Variants in HCN4 observed in about 807,000 individuals in gnomAD.
HCN4 encodes the protein hyperpolarization activated cyclic nucleotide gated potassium channel 4.
Under a neutral mutation model 76.9 loss-of-function variants are expected in HCN4, and 29 were observed. The observed-to-expected ratio is 0.38, with a 90% confidence interval of 0.28 to 0.51. HCN4 has a LOEUF of 0.51. Among genes scored for constraint, HCN4 ranks in the 20% least tolerant of loss-of-function variants. The pLI, the probability that HCN4 is intolerant of heterozygous loss-of-function variation, is 0.90. For synonymous variants in HCN4, 772 were observed against 762.5 expected (o/e 1.01, Z -0.21); for missense variants, 1,416 against 1,715.2 (o/e 0.83, Z 3.08).
rs750833108 is a variant in HCN4, at chr15:73,323,799, G to C, written c.2294C>G (p.Ala765Gly). Residue 765 changes from alanine (A) to glycine (G), a missense_variant, in exon 8 of 8, where the codon GCC (alanine) becomes GGC (glycine). By Grantham distance (60) the Ala-to-Gly change is moderately conservative (BLOSUM62 0). Transcript: ENST00000261917. ...GATGACGGGCGTGGGGGTTGGGGTG[G>C]CAGAGGCAGCAGCCTGGACGCGGTG... is the stretch of plus-strand genomic sequence containing the variant. The part of the protein sequence containing the change: ...CAHRVQAAAS[A>G]TPTPTPVIWT... The C allele has an allele frequency of 8.7e-6, 14 of 1,607,146 alleles. No homozygotes were observed. The East Asian group carries it at 2.9e-4, about 33-fold the overall frequency.
intron 3 of HCN4, among the ~76,000 whole-genome samples, chr15:73,331,546 G>C (rs764484193): frequency 3.3e-4 from 50 of 152,284 alleles, no homozygotes; most frequent in Middle Eastern, 3.4e-3. Context: ...GCGAGCTCAA[G>C]GGATCCCCCT....
In HCN4 at chr15:73,322,503, G is replaced by A. The variant is rs777242276; in HGVS notation, c.3590C>T (p.Ser1197Phe). 2.5e-6 allele frequency: 4 copies of A among 1,598,704 alleles called. No homozygotes were observed. In the South Asian group the frequency reaches 4.5e-5, roughly 18 times the overall value. The change falls in exon 8 of 8, where the codon TCC becomes TTC. Residue 1197 changes from serine to phenylalanine, a missense_variant. By Grantham distance (155) the Ser-to-Phe change is radical. This residue lies in a region of HCN4 where 633 missense variants were observed against 579.8 expected (regional missense o/e 1.09). Coordinates refer to ENST00000261917, the MANE Select transcript of HCN4 (RefSeq NM_005477.3). ...EPGARPEPVRSKLPSNL is the reference protein window; with the variant it reads ...EPGARPEPVRFKLPSNL The stretch of plus-strand genomic sequence containing the variant: ...AGCTCATAGATTGGATGGCAGTTTG[G>A]AGCGCACTGGCTCAGGCCTGGCCCC...
rs534708116 is a variant in HCN4, at chr15:73,357,063, C to T, written c.785+10423G>A. ...CACCTGAGTGCTTCCTGAAACTCTA[C>T]CTGCCCGGCCTCACCCAGGGAGCCC... On this transcript the variant is annotated intron_variant, in intron 1 of 7. Transcript: ENST00000261917. Among the ~76,000 whole-genome samples the T allele has an allele frequency of 5.9e-5, 9 of 152,320 alleles. No homozygotes were observed. In the South Asian group the frequency reaches 8.3e-4, roughly 14 times the overall value.
At position 73,367,659 on chromosome 15, in the gene HCN4, G is replaced by A; in HGVS notation, c.612C>T (p.Ala204=). The A allele has an allele frequency of 6.2e-7, 1 of 1,608,762 alleles. No individual in the cohort carries two copies. The highest frequency in any genetic ancestry group is 8.5e-7 in the Non-Finnish European group (1 of 1,179,868). Residue 204 remains alanine (A), a synonymous_variant, in exon 1 of 8, where the codon GCC becomes GCT. Transcript: ENST00000261917. The surrounding 1 kb of genome is among the most constrained non-coding windows in gnomAD (Gnocchi z 7.5). The part of the protein sequence containing the change: ...AAAGDQILPE[A]EVRLGQAGFM... ...AGCCGGCCTGGCCCAGGCGCACCTC[G>A]GCCTCCGGGAGGATCTGGTCGCCGG...
Position 73,323,186 on chromosome 15 carries a change from T to C in HCN4, c.2907A>G (p.Ser969=), listed in dbSNP as rs773256230. ...GCTGGCCCAGCTGCCCGGGGCTAGATGACGGGGATCTGGATGAGGGTGGGG... is the reference window on the plus strand; with the variant it reads ...GCTGGCCCAGCTGCCCGGGGCTAGACGACGGGGATCTGGATGAGGGTGGGG... ...LPPPPSSRSP[S]SSPGQLGQPP... Residue 969 remains serine (S), a synonymous_variant, in exon 8 of 8, where the codon TCA becomes TCG. Transcript: ENST00000261917. The C allele has an allele frequency of 1.3e-6, 2 of 1,547,408 alleles. No homozygotes were observed. The highest frequency in any genetic ancestry group is 2.7e-5 in the African/African-American group (2 of 73,002).
intron 1 of HCN4, among the ~76,000 whole-genome samples, chr15:73,355,522 C>A (rs114297989): frequency 6.6e-6 from 1 of 152,122 alleles, no homozygotes; most frequent in South Asian, 2.1e-4. Context: ...ACATCCTGAA[C>A]GCCAGCTTGA....
chr15:73,332,293 C>T lies in HCN4; in HGVS notation c.1210-1G>A. ...CCAGGTCGTAGGTCATGTGGAAGAT[C>T]TGCCAGCAGAGGAGGAGAAATTGGC... On this transcript the variant is annotated splice_acceptor_variant, in intron 2 of 7. Transcript: ENST00000261917. LOFTEE classifies it high-confidence loss of function. 6.2e-7 allele frequency: 1 copy of T among 1,614,182 alleles called. No homozygotes were observed. Among genetic ancestry groups the T allele is most frequent in the Non-Finnish European group, 8.5e-7 (1 of 1,179,996 alleles).
Position 73,324,072 on chromosome 15 carries a change from T to C in HCN4, c.2143+17A>G, listed in dbSNP as rs755671406. 5.0e-6 allele frequency: 8 copies of C among 1,611,704 alleles called. No homozygotes were observed. The highest frequency in any genetic ancestry group is 2.2e-5 in the South Asian group (2 of 91,008). On this transcript the variant is annotated intron_variant, in intron 7 of 7. Transcript: ENST00000261917. ...CAACACCCCCCACCTGCCCCGCCTG[T>C]GGCCCCTCCCCCTCACCAATGCGGT...
chr15:73,343,887 C>T lies in HCN4; in HGVS notation c.786-79G>A. On this transcript the variant is annotated intron_variant, in intron 1 of 7. Coordinates refer to ENST00000261917, the MANE Select transcript of HCN4 (RefSeq NM_005477.3). The surrounding 1 kb of genome is among the most constrained non-coding windows in gnomAD (Gnocchi z 5.7). Reference sequence around the variant, plus strand: ...GACTAAGGGAGGAAGATCTGAGGGACAGCATCTGGGACAGAGAAGTCTTGG... The same window carrying T: ...GACTAAGGGAGGAAGATCTGAGGGATAGCATCTGGGACAGAGAAGTCTTGG... 1.4e-6 allele frequency: 2 copies of T among 1,467,220 alleles called. No individual in the cohort carries two copies. Among genetic ancestry groups the T allele is most frequent in the Non-Finnish European group, 1.9e-6 (2 of 1,051,390 alleles). The allele number at this position is 1,467,220 out of a possible 1,614,324, so 90.9% of individuals were successfully genotyped here.
In HCN4 at chr15:73,329,762, G is replaced by A. The variant is rs753580737; in HGVS notation, c.1401C>T (p.Tyr467=). 39 of 1,613,896 alleles carry A rather than the reference G, an allele frequency of 2.4e-5. No homozygotes were observed. The highest frequency in any genetic ancestry group is 2.7e-5 in the Non-Finnish European group (32 of 1,179,980). Residue 467 remains tyrosine, a synonymous_variant, in exon 4 of 8, where the codon TAC becomes TAT. Transcript: ENST00000261917. ...VNNSWGKQYS[Y]ALFKAMSHML... ...TGTGGCTCATGGCCTTGAAGAGCGC[G>A]TAGGAGTACTGCTTCCCCCAGGAGT...
rs1295481719 is a variant in HCN4 at position 73,322,822 on chromosome 15, G to C, written c.3271C>G (p.Pro1091Ala). ...TGCGCCCCGTCCTGAGGCAGGGCTG[G>C]CTGAGACGCGGAGATGAGCTTGAGG... ...QDLKLISASQPALPQDGAQTL... is the reference protein window; with the variant it reads ...QDLKLISASQAALPQDGAQTL... Residue 1091 changes from proline (P) to alanine (A), a missense_variant, in exon 8 of 8, where the codon CCA (proline) becomes GCA (alanine). Pro to Ala is a conservative substitution (Grantham distance 27). Around this residue, in one of 6 missense-constraint regions of HCN4, gnomAD observed 633 missense variants for 579.8 expected, o/e 1.09. Transcript: ENST00000261917. The C allele has an allele frequency of 6.5e-7, 1 of 1,528,220 alleles. No individual in the cohort carries two copies. Among genetic ancestry groups the C allele is most frequent in the Non-Finnish European group, 8.8e-7 (1 of 1,139,014 alleles). 94.7% of individuals were successfully genotyped at this position (1,528,220 alleles called of 1,614,324 possible).
chr15:73,334,853 G>A (rs1020388665), intron 2 of HCN4, among the ~76,000 whole-genome samples: 4 of 152,144 alleles, frequency 2.6e-5, no homozygotes, highest in Admixed American at 6.5e-5. Context: ...CTGCACCTTT[G>A]TGTCCCTCTC....
chr15:73,322,415 C>G lies in HCN4; in HGVS notation c.*66G>C. The G allele has an allele frequency of 1.6e-6, 2 of 1,266,264 alleles. No individual in the cohort carries two copies. Among genetic ancestry groups the G allele is most frequent in the Non-Finnish European group, 2.3e-6 (2 of 887,550 alleles). The allele number at this position is 1,266,264 out of a possible 1,614,324, so 78.4% of individuals were successfully genotyped here. On this transcript the variant is annotated 3_prime_UTR_variant, in exon 8 of 8. Coordinates refer to ENST00000261917, the MANE Select transcript of HCN4 (RefSeq NM_005477.3). ...CTGTTATTGGTATATCTCCTAATCA[C>G]AGTTAAACCTGAAGGAAGAAGGAAG...
intron 1 of HCN4, among the ~76,000 whole-genome samples, chr15:73,361,599 C>T (rs557598797): frequency 1.2e-3 from 183 of 152,294 alleles, no homozygotes; most frequent in African/African-American, 4.1e-3. Context: ...TAAGACAAGC[C>T]CCCAGGGGAC....
intron 6 of HCN4, 27 bp from the exon 7 acceptor site, chr15:73,324,280 A>G (rs1161410700): frequency 1.4e-5 from 23 of 1,612,088 alleles, no homozygotes; most frequent in African/African-American, 2.7e-5. Flanking sequence ...ACTCAGGATG[A>G]GGCATGCACA....
chr15:73,353,559 C>T (rs2043064468), intron 1 of HCN4, among the ~76,000 whole-genome samples: 2 of 152,150 alleles, frequency 1.3e-5, no homozygotes, highest in South Asian at 2.1e-4. Flanking sequence ...CCCCTCCTCA[C>T]ACCTTGATAA....
chr15:73,334,600 C>T (rs2042951320), intron 2 of HCN4, among the ~76,000 whole-genome samples: 1 of 151,992 alleles, frequency 6.6e-6, no homozygotes, highest in African/African-American at 2.4e-5. Context: ...AGCTAAGACA[C>T]CAGGGGTTTG....
At chr15:73,347,077 C>G (rs549808793) in intron 1 of HCN4, among the ~76,000 whole-genome samples, 1 of 152,218 alleles carries the variant, frequency 6.6e-6, no homozygotes, top group Non-Finnish European at 1.5e-5. Flanking sequence ...AGCATTTTTA[C>G]TGGGGCTCCT....
At chr15:73,362,174 A>G (rs559489895) in intron 1 of HCN4, among the ~76,000 whole-genome samples, 2 of 152,326 alleles carry the variant, frequency 1.3e-5, no homozygotes, top group Non-Finnish European at 2.9e-5. Context: ...CAAGCTATGA[A>G]TCCCACATCC....
Sources: gnomAD v4.1 joint callset for allele counts (sites outside exome capture counted in the v4.1 genomes callset) on GRCh38, gnomAD v4.1.1 for gene constraint, gnomAD v4.1.1 regional missense constraint, Gnocchi (gnomAD v3.1) non-coding constraint, MANE v1.5 for transcripts, NCBI Gene and HGNC (gene_info 2026-07-23, HGNC 2026-07-21) for gene names.